Variants in ENOX1 observed in about 807,000 individuals in gnomAD.
ENOX1 encodes ecto-NOX disulfide-thiol exchanger 1, also known as candidate growth-related and time keeping constitutive hydroquinone (NADH) oxidase.
A neutral mutation model predicts 82.5 loss-of-function variants in ENOX1; 42 were observed. The observed-to-expected ratio is 0.51, with a 90% CI of 0.40 to 0.66. The LOEUF (loss-of-function observed/expected upper bound fraction) is 0.66, where lower values mean the gene tolerates loss of function less well. ENOX1 is among the 30% of genes least tolerant of loss of function. ENOX1 has a pLI of 0.00. For missense variants in ENOX1, 608 were observed against 811.6 expected (o/e 0.75, Z 3.05); for synonymous variants, 271 against 282.2 (o/e 0.96, Z 0.40).
At chr13:43,496,240 T>C (rs2076787957) in intron 2 of ENOX1, among the ~76,000 whole-genome samples, 1 of 93,202 alleles carries the variant, frequency 1.1e-5, no homozygotes, top group Admixed American at 1.0e-4. Context: ...CTTTTGACTT[T>C]TTCTAGAAAT....
intron 1 of ENOX1, among the ~76,000 whole-genome samples, chr13:43,690,569 T>C (rs1348736353): frequency 1.3e-5 from 2 of 152,010 alleles, no homozygotes; most frequent in East Asian, 3.9e-4. Flanking sequence ...ATTTAACCAT[T>C]GGAAATAGCC....
intron 5 of ENOX1, among the ~76,000 whole-genome samples, chr13:43,364,405 T>A (rs4942221): frequency 6.6e-6 from 1 of 152,030 alleles, no homozygotes; most frequent in African/African-American, 2.4e-5. Flanking sequence ...TGTACTGAAA[T>A]GACAGGAAGG....
chr13:43,641,853 AG>A (rs2087538386), intron 2 of ENOX1, among the ~76,000 whole-genome samples: 1 of 152,124 alleles, frequency 6.6e-6, no homozygotes, highest in African/African-American at 2.4e-5. Context: ...TTTTTTTAAA[AG>A]AAGTCTCATG....
intron 14 of ENOX1, among the ~76,000 whole-genome samples, chr13:43,239,518 C>A (rs1181572148): frequency 6.6e-6 from 1 of 152,220 alleles, no homozygotes. Flanking sequence ...GGGAAAACAT[C>A]ATTTCCATTA....
At chr13:43,468,851 T>C (rs973173391) in intron 3 of ENOX1, among the ~76,000 whole-genome samples, 2 of 152,074 alleles carry the variant, frequency 1.3e-5, no homozygotes, top group African/African-American at 4.8e-5. Context: ...TTCCTAAGCA[T>C]TTTTTATTGA....
At chr13:43,321,104 A>C (rs1417427552) in intron 11 of ENOX1, 1 of 456,316 alleles carries the variant, frequency 2.2e-6, no homozygotes, top group East Asian at 6.9e-5. Context: ...AAGCACCTGA[A>C]AGATTAAAAT....
intron 5 of ENOX1, among the ~76,000 whole-genome samples, chr13:43,370,039 C>T (rs2153566556): frequency 6.6e-6 from 1 of 152,322 alleles, no homozygotes; most frequent in South Asian, 2.1e-4. Flanking sequence ...TTCCCTGCAC[C>T]CTCAGGTTTG....
At chr13:43,518,180 ATGT>A (rs1300507841) in intron 2 of ENOX1, among the ~76,000 whole-genome samples, 1 of 152,056 alleles carries the variant, frequency 6.6e-6, no homozygotes, top group Non-Finnish European at 1.5e-5. Flanking sequence ...CCATATTAAC[ATGT>A]TGTTCTCTCT....
intron 1 of ENOX1, among the ~76,000 whole-genome samples, chr13:43,715,865 C>T (rs189668499): frequency 1.3e-5 from 2 of 151,134 alleles, no homozygotes; most frequent in Non-Finnish European, 3.0e-5. Context: ...GGTAACCATT[C>T]GCATTCTTCA....
chr13:43,749,328 CT>C (rs1203110357), intron 1 of ENOX1, among the ~76,000 whole-genome samples: 11 of 152,222 alleles, frequency 7.2e-5, no homozygotes, highest in African/African-American at 2.4e-4. Flanking sequence ...TTTCCTTTGG[CT>C]TTGTAACCAA....
chr13:43,240,482 CTA>C (rs2042765942), intron 14 of ENOX1, among the ~76,000 whole-genome samples: 1 of 151,950 alleles, frequency 6.6e-6, no homozygotes, highest in Non-Finnish European at 1.5e-5. Flanking sequence ...TGGAGTCAGC[CTA>C]CTGCAAAAAT....
chr13:43,551,174 C>T (rs1415830616), intron 2 of ENOX1, among the ~76,000 whole-genome samples: 1 of 152,022 alleles, frequency 6.6e-6, no homozygotes, highest in East Asian at 1.9e-4. Flanking sequence ...AATACTTTTC[C>T]AAGTATAGCA....
chr13:43,271,194 C>T lies in ENOX1; in HGVS notation c.1447-1617G>A, dbSNP rs567948826. Among the ~76,000 whole-genome samples, 210 of 152,296 alleles carry T rather than the reference C, an allele frequency of 1.4e-3. 1 individual carries two copies. The highest frequency in any genetic ancestry group is 2.3e-3 in the Non-Finnish European group (156 of 68,016). ...GTAGGTAGCTCATGTTTGCTTATTG[C>T]AGCACTTGAGGTGGCAAAACCAAAA... On this transcript the variant is annotated intron_variant, in intron 12 of 16. Transcript: ENST00000690772.
At chr13:43,579,699 T>C (rs1423474116) in intron 2 of ENOX1, among the ~76,000 whole-genome samples, 2 of 152,162 alleles carry the variant, frequency 1.3e-5, no homozygotes, top group Non-Finnish European at 2.9e-5. Flanking sequence ...CTCAGAAGGC[T>C]CATGGTAAAG....
At chr13:43,648,567 T>C (rs1225944351) in intron 2 of ENOX1, among the ~76,000 whole-genome samples, 1 of 152,112 alleles carries the variant, frequency 6.6e-6, no homozygotes, top group African/African-American at 2.4e-5. Flanking sequence ...TAAGCAAAGG[T>C]CCAAGAGAGT....
At chr13:43,283,206 T>C (rs986486875) in intron 12 of ENOX1, among the ~76,000 whole-genome samples, 2 of 152,194 alleles carry the variant, frequency 1.3e-5, no homozygotes, top group South Asian at 2.1e-4. Context: ...AAAATTGTCA[T>C]AAAACTATTC....
At chr13:43,465,422 GC>G (rs1367816160) in intron 3 of ENOX1, among the ~76,000 whole-genome samples, 1 of 152,008 alleles carries the variant, frequency 6.6e-6, no homozygotes, top group East Asian at 1.9e-4. Flanking sequence ...CCTTTCACAT[GC>G]CTACATCTTT....
chr13:43,670,572 G>T (rs2085209262), intron 1 of ENOX1, among the ~76,000 whole-genome samples: 1 of 152,082 alleles, frequency 6.6e-6, no homozygotes, highest in South Asian at 2.1e-4. Context: ...AGGAAAATAG[G>T]GCTGGGAGCG....
intron 3 of ENOX1, among the ~76,000 whole-genome samples, chr13:43,458,706 A>G (rs2057333749): frequency 6.6e-6 from 1 of 152,192 alleles, no homozygotes; most frequent in East Asian, 1.9e-4. Context: ...ATTTAACTAC[A>G]AAATTAGGAG....
Sources: allele counts gnomAD v4.1 joint callset (sites outside exome capture counted in the v4.1 genomes callset), GRCh38; gene constraint gnomAD v4.1.1; transcripts MANE v1.5; gene names NCBI Gene and HGNC (gene_info 2026-07-23, HGNC 2026-07-21).